Variants in TBC1D30 observed in about 807,000 individuals in gnomAD.
The protein encoded by TBC1D30 is TBC1 domain family, member 30.
A neutral mutation model predicts 63.2 loss-of-function variants in TBC1D30; 31 were observed. The ratio of observed to expected loss-of-function variants is 0.49; its 90% CI spans 0.37 to 0.66. The LOEUF is 0.66. Ranked by LOEUF, TBC1D30 falls within the 30% of genes least tolerant of loss-of-function variation. The pLI is 0.00. For missense variants in TBC1D30, 810 were observed against 953.6 expected (o/e 0.85, Z 1.98); for synonymous variants, 307 against 361.5 (o/e 0.85, Z 1.71).
intron 7 of TBC1D30, among the ~76,000 whole-genome samples, chr12:64,840,637 G>A (rs1592620660): frequency 6.6e-6 from 1 of 152,196 alleles, no homozygotes; most frequent in Admixed American, 6.5e-5. Flanking sequence ...TTTTATAGAT[G>A]TGAGAATTGA....
chr12:64,799,656 C>T (rs929125949), intron 2 of TBC1D30, among the ~76,000 whole-genome samples: 17 of 152,366 alleles, frequency 1.1e-4, no homozygotes, highest in African/African-American at 3.8e-4. Flanking sequence ...TGCTCTTCCT[C>T]TGTGTGTTTC....
chr12:64,857,556 G>T (rs1015514756), intron 8 of TBC1D30, among the ~76,000 whole-genome samples: 2 of 152,144 alleles, frequency 1.3e-5, no homozygotes, highest in African/African-American at 4.8e-5. Flanking sequence ...GCCTGGGGTT[G>T]GGGGAGGGAT....
At chr12:64,770,235 A>G (rs986620992) in intron 1 of TBC1D30, among the ~76,000 whole-genome samples, 4 of 152,130 alleles carry the variant, frequency 2.6e-5, no homozygotes, top group African/African-American at 9.7e-5. Context: ...GAAGAATTGT[A>G]ATAGTTCCCT....
rs1369488321 is a variant in TBC1D30, at chr12:64,877,031, A to T, written c.*1243A>T. ...TTGTACACAGATGTATTGGCTACAT[A>T]GCGTGTAAAAACCAAGACTGGGAAG... On this transcript the variant is annotated 3_prime_UTR_variant, in exon 12 of 12. Coordinates refer to ENST00000539867, the MANE Select transcript of TBC1D30 (RefSeq NM_015279.2). The T allele has an allele frequency of 2.6e-6, 1 of 388,146 alleles. No individual in the cohort carries two copies. The highest frequency in any genetic ancestry group is 2.1e-5 in the African/African-American group (1 of 48,226). 24.0% of individuals were successfully genotyped at this position (388,146 alleles called of 1,614,324 possible).
Position 64,836,113 on chromosome 12 carries a change from CTG to C in TBC1D30, c.595-374_595-373del, listed in dbSNP as rs1491396426. 5.3e-5 allele frequency among the ~76,000 whole-genome samples: 8 copies of C among 152,154 alleles called. No homozygotes were observed. The South Asian group carries it at 1.4e-3, about 28-fold the overall frequency. ...TAGTTTTCATATTGAGGTTGTAAAACTGTGCTGACATCAAGGAGCCAATACTG... is the reference window on the plus strand; with the variant it reads ...TAGTTTTCATATTGAGGTTGTAAAACTGCTGACATCAAGGAGCCAATACTG... On this transcript the variant is annotated intron_variant, in intron 5 of 11. Transcript: ENST00000539867.
At position 64,830,414 on chromosome 12, in the gene TBC1D30, T is replaced by C. The variant is rs1269325785; in HGVS notation, c.320T>C (p.Ile107Thr). The C allele has an allele frequency of 6.5e-7, 1 of 1,535,428 alleles. No individual in the cohort carries two copies. The highest frequency in any genetic ancestry group is 8.7e-7 in the Non-Finnish European group (1 of 1,146,504). The change falls in exon 4 of 12, where the codon ATA becomes ACA. Residue 107 changes from isoleucine to threonine, a missense_variant. By Grantham distance (89) the Ile-to-Thr change is moderately conservative (BLOSUM62 -1). Coordinates refer to ENST00000539867, the MANE Select transcript of TBC1D30 (RefSeq NM_015279.2). Reference protein sequence around the residue: ...LTLADHYLHSIAIDWDKTMRF... With the variant: ...LTLADHYLHSTAIDWDKTMRF... ...TTGGCAGATCATTATTTGCACAGTA[T>C]AGCCATTGACTGGGACAAAACCATG...
rs1874144661 is a variant in TBC1D30, at chr12:64,824,764, C to T, written c.-116C>T. 7.2e-7 allele frequency: 1 copy of T among 1,381,474 alleles called. No individual in the cohort carries two copies. Among genetic ancestry groups the T allele is most frequent in the Admixed American group, 2.5e-5 (1 of 39,872 alleles). The allele number at this position is 1,381,474 out of a possible 1,614,324, so 85.6% of individuals were successfully genotyped here. A position where few individuals can be genotyped will look rare whatever the true frequency, so the allele number is the denominator to read the frequency against. On this transcript the variant is annotated 5_prime_UTR_variant, in exon 1 of 12. Coordinates refer to ENST00000539867, the MANE Select transcript of TBC1D30 (RefSeq NM_015279.2). ...CCAGCCGGCTGTGCGCTCCCTGCTCCCACGGGCCGGTCAGCCGCAGACACT... is the reference window on the plus strand; with the variant it reads ...CCAGCCGGCTGTGCGCTCCCTGCTCTCACGGGCCGGTCAGCCGCAGACACT...
chr12:64,864,594 A>T, intron 8 of TBC1D30, 74 bp from the exon 9 acceptor site: 1 of 1,034,318 alleles, frequency 9.7e-7, no homozygotes, highest in Non-Finnish European at 1.4e-6. Context: ...ATAAAACTTT[A>T]ATGTCTTTCC....
intron 1 of TBC1D30, among the ~76,000 whole-genome samples, chr12:64,773,271 G>T (rs935498828): frequency 6.6e-6 from 1 of 151,922 alleles, no homozygotes; most frequent in Non-Finnish European, 1.5e-5. Flanking sequence ...CACTGGGCAG[G>T]ACCTCTCAAC....
At chr12:64,835,709 G>C (rs535446501) in intron 5 of TBC1D30, among the ~76,000 whole-genome samples, 3 of 152,188 alleles carry the variant, frequency 2.0e-5, no homozygotes, top group African/African-American at 7.2e-5. Flanking sequence ...CGATTCCACT[G>C]TACAAATGAG....
chr12:64,790,853 A>G (rs564786790), intron 2 of TBC1D30, among the ~76,000 whole-genome samples: 2 of 152,192 alleles, frequency 1.3e-5, no homozygotes, highest in South Asian at 4.1e-4. Flanking sequence ...TGGCACTAAA[A>G]CTCAACATTT....
intron 9 of TBC1D30, among the ~76,000 whole-genome samples, chr12:64,866,118 T>A (rs995720642): frequency 2.0e-5 from 3 of 152,108 alleles, no homozygotes; most frequent in Non-Finnish European, 4.4e-5. Context: ...AATCCTGCCT[T>A]AGCCTCCCAA....
intron 11 of TBC1D30, among the ~76,000 whole-genome samples, chr12:64,874,706 T>TA (rs950874926): frequency 4.4e-4 from 65 of 147,542 alleles, no homozygotes; most frequent in African/African-American, 7.7e-4. Context: ...GAGCTCTCTG[T>TA]AAAAAAAAAA....
intron 8 of TBC1D30, among the ~76,000 whole-genome samples, chr12:64,857,252 C>T (rs1371636546): frequency 1.3e-5 from 2 of 152,318 alleles, no homozygotes; most frequent in East Asian, 3.9e-4. Context: ...GGCATACTCC[C>T]TGGATATTGC....
At position 64,880,137 on chromosome 12, in the gene TBC1D30, GTCA is replaced by G. The variant is rs1879365965; in HGVS notation, c.*4351_*4353del. 6.6e-6 allele frequency: 1 copy of G among 152,266 alleles called. No homozygotes were observed. The highest frequency in any genetic ancestry group is 2.1e-4 in the South Asian group (1 of 4,836). The allele number at this position is 152,266 out of a possible 1,614,324, so 9.4% of individuals were successfully genotyped here. A position where few individuals can be genotyped will look rare whatever the true frequency, so the allele number is the denominator to read the frequency against. ...TCAGAGTAAAGTCAGCAAGTCTACA[GTCA>G]TAGAGCCACCAGGATACAGTGATGG... is the stretch of plus-strand genomic sequence containing the variant. On this transcript the variant is annotated 3_prime_UTR_variant, in exon 12 of 12. Transcript: ENST00000539867.
intron 2 of TBC1D30, among the ~76,000 whole-genome samples, chr12:64,806,857 G>A (rs1334052337): frequency 6.6e-6 from 1 of 152,210 alleles, no homozygotes; most frequent in Non-Finnish European, 1.5e-5. Context: ...GCTTTAGAAA[G>A]GAAGGAGACT....
chr12:64,864,929 T>A, intron 9 of TBC1D30, 149 bp downstream of exon 9: 1 of 643,788 alleles, frequency 1.6e-6, no homozygotes, highest in Non-Finnish European at 2.6e-6. Flanking sequence ...GGTTTTGATT[T>A]AAACTCAAGA....
intron 2 of TBC1D30, among the ~76,000 whole-genome samples, chr12:64,792,965 C>G (rs1454816990): frequency 6.6e-6 from 1 of 152,122 alleles, no homozygotes; most frequent in Non-Finnish European, 1.5e-5. Context: ...CATGCTCTCC[C>G]CTCCATGCCC....
rs1395975570 is a variant in TBC1D30 at position 64,854,276 on chromosome 12, CACTGGCACATACTATCTTAA to C, written c.1039-10389_1039-10370del. Among the ~76,000 whole-genome samples the C allele has an allele frequency of 7.2e-5, 11 of 152,168 alleles. 1 individual carries two copies. Among genetic ancestry groups the C allele is most frequent in the African/African-American group, 2.6e-4 (11 of 41,522 alleles). ...GTTTTTTGATTTGAGGTTACCACGACACTGGCACATACTATCTTAAACCTATTATTTTAAACTGATGGCAA... is the reference window on the plus strand; with the variant it reads ...GTTTTTTGATTTGAGGTTACCACGACACCTATTATTTTAAACTGATGGCAA... On this transcript the variant is annotated intron_variant, in intron 8 of 11. Transcript: ENST00000539867.
Sources: gnomAD v4.1 joint callset for allele counts (sites outside exome capture counted in the v4.1 genomes callset) on GRCh38, gnomAD v4.1.1 for gene constraint, MANE v1.5 for transcripts, NCBI Gene and HGNC (gene_info 2026-07-23, HGNC 2026-07-21) for gene names.